Variants in DCHS2 observed in about 807,000 individuals in gnomAD.
DCHS2 encodes dachsous cadherin-related 2.
Under a neutral mutation model 182.4 loss-of-function variants are expected in DCHS2, and 142 were observed. That is an observed-to-expected ratio of 0.78 (90% confidence interval 0.68 to 0.89). DCHS2 has a LOEUF of 0.89. DCHS2 is among the 40% of genes least tolerant of loss of function. The probability of loss-of-function intolerance (pLI) is 0.00; values close to 1 mark genes in which losing one functional copy is unlikely to be tolerated. For synonymous variants in DCHS2, 1,740 were observed against 1,663.3 expected (o/e 1.05, Z -1.12); for missense variants, 4,319 against 4,198.6 (o/e 1.03, Z -0.79).
At chr4:154,474,425 G>C (rs1735603557) in intron 1 of DCHS2, among the ~76,000 whole-genome samples, 1 of 152,114 alleles carries the variant, frequency 6.6e-6, no homozygotes, top group Non-Finnish European at 1.5e-5. Flanking sequence ...CTCACGCAAG[G>C]CTATGCCCCT....
intron 1 of DCHS2, among the ~76,000 whole-genome samples, chr4:154,417,636 A>C (rs1017777056): frequency 6.6e-6 from 1 of 152,254 alleles, no homozygotes; most frequent in African/African-American, 2.4e-5. Flanking sequence ...TTCATTGTTT[A>C]TCTGAAATTC....
intron 13 of DCHS2, among the ~76,000 whole-genome samples, chr4:154,279,640 T>A (rs559047196): frequency 2.2e-4 from 34 of 151,758 alleles, no homozygotes; most frequent in Admixed American, 1.2e-3. Context: ...TACTGATACA[T>A]CAAAAGGAAA....
intron 1 of DCHS2, among the ~76,000 whole-genome samples, chr4:154,444,413 G>A (rs1560762503): frequency 6.6e-6 from 1 of 151,856 alleles, no homozygotes; most frequent in Non-Finnish European, 1.5e-5. Context: ...TATTACTCAG[G>A]CCAAAATTCA....
At chr4:154,337,887 C>T (rs1415497493) in intron 3 of DCHS2, among the ~76,000 whole-genome samples, 2 of 152,088 alleles carry the variant, frequency 1.3e-5, no homozygotes, top group Non-Finnish European at 2.9e-5. Flanking sequence ...ATTACAGGCA[C>T]GTATCACCAT....
intron 1 of DCHS2, among the ~76,000 whole-genome samples, chr4:154,460,609 C>A (rs1734973043): frequency 6.6e-6 from 1 of 152,124 alleles, no homozygotes; most frequent in African/African-American, 2.4e-5. Flanking sequence ...CTTGAGCTCT[C>A]TTTGGGGCAT....
intron 1 of DCHS2, among the ~76,000 whole-genome samples, chr4:154,399,544 A>C (rs1732070756): frequency 6.6e-6 from 1 of 152,164 alleles, no homozygotes; most frequent in African/African-American, 2.4e-5. Flanking sequence ...TAAAAACAGG[A>C]AAGTGGGAAG....
At chr4:154,302,804 T>TATGA (rs1294897456) in intron 12 of DCHS2, among the ~76,000 whole-genome samples, 1 of 67,438 alleles carries the variant, frequency 1.5e-5, no homozygotes, top group African/African-American at 5.9e-5. Context: ...TATATATACT[T>TATGA]ATATATATTT....
chr4:154,434,520 A>G (rs1733693259), intron 1 of DCHS2, among the ~76,000 whole-genome samples: 1 of 109,100 alleles, frequency 9.2e-6, no homozygotes, highest in Non-Finnish European at 2.3e-5. Flanking sequence ...TACAAAATTT[A>G]GAATTATAGC....
At chr4:154,293,399 GTCAAAC>G (rs1734759016) in intron 13 of DCHS2, among the ~76,000 whole-genome samples, 2 of 151,962 alleles carry the variant, frequency 1.3e-5, no homozygotes, top group African/African-American at 4.8e-5. Context: ...TCAGGCTGGT[GTCAAAC>G]TCCTGACCTC....
At position 154,391,375 on chromosome 4, in the gene DCHS2, C is replaced by G. The variant is rs1162346870; in HGVS notation, c.2053-13931G>C. 13 of 1,511,054 alleles carry G rather than the reference C, an allele frequency of 8.6e-6. 1 individual carries two copies. In the East Asian group the frequency reaches 3.2e-4, roughly 37 times the overall value. 93.6% of individuals were successfully genotyped at this position (1,511,054 alleles called of 1,614,324 possible). A position where few individuals can be genotyped will look rare whatever the true frequency, so the allele number is the denominator to read the frequency against. On this transcript the variant is annotated intron_variant, in intron 1 of 19. Coordinates refer to ENST00000357232, the MANE Select transcript of DCHS2 (RefSeq NM_001358235.2). ...GAACCCTTTCCTTGTGCTACAGGTTCACATATGGAAATACCTCCATGACTT... is the reference window on the plus strand; with the variant it reads ...GAACCCTTTCCTTGTGCTACAGGTTGACATATGGAAATACCTCCATGACTT...
At chr4:154,488,534 C>T (rs567395629) in intron 1 of DCHS2, among the ~76,000 whole-genome samples, 1 of 152,256 alleles carries the variant, frequency 6.6e-6, no homozygotes, top group East Asian at 1.9e-4. Flanking sequence ...TAAAGATATA[C>T]ACTTGGTCAT....
rs1278070685 is a variant in DCHS2 at position 154,490,114 on chromosome 4, G to A, written c.1242C>T (p.His414=). Reference sequence around the variant, plus strand: ...CGCCTCCCTCTGTGAGAAAGAGCACGTGAATTGCTGGCCGGTTGTCATTCA... The same window carrying A: ...CGCCTCCCTCTGTGAGAAAGAGCACATGAATTGCTGGCCGGTTGTCATTCA... ...LDVNDNRPAI[H]VLFLTEGGVA... is the part of the protein sequence containing the mutation. Residue 414 remains histidine, a synonymous_variant, in exon 1 of 20, where the codon CAC becomes CAT. Coordinates refer to ENST00000357232, the MANE Select transcript of DCHS2 (RefSeq NM_001358235.2). 27 of 1,548,428 alleles carry A rather than the reference G, an allele frequency of 1.7e-5. No individual in the cohort carries two copies. The highest frequency in any genetic ancestry group is 7.1e-5 in the South Asian group (6 of 83,938).
rs1442078180 is a variant in DCHS2, at chr4:154,235,346, T to C, written c.9306A>G (p.Ala3102=). The C allele has an allele frequency of 6.2e-7, 1 of 1,614,094 alleles. No individual in the cohort carries two copies. The change falls in exon 20 of 20, where the codon GCA becomes GCG. Residue 3102 remains alanine (A), a synonymous_variant. Coordinates refer to ENST00000357232, the MANE Select transcript of DCHS2 (RefSeq NM_001358235.2). ...SGHCSVEGET[A]EDKEIQRINE... is the part of the protein sequence containing the mutation. ...TTATCCTCTGGATTTCCTTATCTTC[T>C]GCAGTTTCTCCTTCCACAGAACAGT...
At chr4:154,243,466 C>T (rs1160143319) in intron 16 of DCHS2, among the ~76,000 whole-genome samples, 2 of 152,144 alleles carry the variant, frequency 1.3e-5, no homozygotes, top group African/African-American at 4.8e-5. Flanking sequence ...TTTCTCTCAC[C>T]ACCCTTCCAA....
At chr4:154,472,013 A>G (rs1198657395) in intron 1 of DCHS2, among the ~76,000 whole-genome samples, 1 of 132,294 alleles carries the variant, frequency 7.6e-6, no homozygotes, top group Non-Finnish European at 1.6e-5. Flanking sequence ...ATGTCCTGTT[A>G]GTCTCTAACA....
chr4:154,342,780 T>C (rs1578987693), intron 3 of DCHS2, among the ~76,000 whole-genome samples: 1 of 152,138 alleles, frequency 6.6e-6, no homozygotes, highest in African/African-American at 2.4e-5. Flanking sequence ...AGTCAACTTC[T>C]TCCAAACTCC....
chr4:154,275,474 T>A (rs562585279), intron 13 of DCHS2, among the ~76,000 whole-genome samples: 1 of 152,256 alleles, frequency 6.6e-6, no homozygotes, highest in East Asian at 1.9e-4. Flanking sequence ...TGTTGAGAAC[T>A]CTTTCAAATT....
intron 16 of DCHS2, among the ~76,000 whole-genome samples, chr4:154,251,875 C>A (rs1732378554): frequency 6.6e-6 from 1 of 152,060 alleles, no homozygotes; most frequent in African/African-American, 2.4e-5. Flanking sequence ...TCTTTGTGTC[C>A]CCAGCTTCAT....
intron 16 of DCHS2, among the ~76,000 whole-genome samples, chr4:154,243,502 G>A (rs547474378): frequency 5.3e-5 from 8 of 152,062 alleles, no homozygotes; most frequent in African/African-American, 1.4e-4. Context: ...GTATCTTATC[G>A]GTATTACCTC....
Sources: gnomAD v4.1 joint callset for allele counts (sites outside exome capture counted in the v4.1 genomes callset) on GRCh38, gnomAD v4.1.1 for gene constraint, MANE v1.5 for transcripts, NCBI Gene and HGNC (gene_info 2026-07-23, HGNC 2026-07-21) for gene names.